The following CFAP299 variants were observed in gnomAD, a reference collection of about 807,000 sequenced individuals.
CFAP299 encodes cilia and flagella associated protein 299.
CFAP299 carries 21 observed loss-of-function variants against 27.0 expected under a neutral mutation model. That is an observed-to-expected ratio of 0.78 (90% CI 0.55 to 1.12). CFAP299 has a LOEUF of 1.12. Ranked by LOEUF, CFAP299 falls within the 50% of genes most tolerant of loss-of-function variation. CFAP299 has a pLI of 0.00. For synonymous variants in CFAP299, 104 were observed against 98.1 expected (o/e 1.06, Z -0.36); for missense variants, 310 against 276.6 (o/e 1.12, Z -0.86).
At chr4:80,387,487 G>T (rs1181955613) in intron 2 of CFAP299, 1 of 810,566 alleles carries the variant, frequency 1.2e-6, no homozygotes, top group African/African-American at 1.7e-5. Context: ...GCTATCGCTG[G>T]CTGTGGGCCA....
chr4:80,704,992 C>G (rs1426630687), intron 3 of CFAP299, among the ~76,000 whole-genome samples: 2 of 151,610 alleles, frequency 1.3e-5, no homozygotes, highest in African/African-American at 2.4e-5. Flanking sequence ...TACCCTTAGG[C>G]CTTTACTATA....
At position 80,799,928 on chromosome 4, in the gene CFAP299, T is replaced by A. The variant is rs1197921208; in HGVS notation, c.334-70065T>A. Among the ~76,000 whole-genome samples the A allele has an allele frequency of 2.6e-3, 113 of 43,576 alleles. 4 individuals are homozygous for A. Among genetic ancestry groups the A allele is most frequent in the African/African-American group, 0.012 (112 of 9,506 alleles). 28.6% of individuals were successfully genotyped at this position (43,576 alleles called of 152,430 possible). On this transcript the variant is annotated intron_variant, in intron 3 of 5. Transcript: ENST00000358105. ...ATAATATAATATATAATATATATAT[T>A]TATATATTATATTATATAAATATTA...
chr4:80,752,731 A>G (rs905464788), intron 3 of CFAP299, among the ~76,000 whole-genome samples: 7 of 151,866 alleles, frequency 4.6e-5, no homozygotes, highest in Non-Finnish European at 8.8e-5. Flanking sequence ...TTTTGTATGA[A>G]TTAAGTATTT....
At chr4:80,386,980 T>C (rs1239364230) in intron 2 of CFAP299, 1 of 1,036,290 alleles carries the variant, frequency 9.6e-7, no homozygotes, top group Non-Finnish European at 1.5e-6. Flanking sequence ...ACCTGGCCCT[T>C]GAACCTGCCC....
intron 2 of CFAP299, among the ~76,000 whole-genome samples, chr4:80,406,246 A>C (rs778393239): frequency 2.3e-4 from 35 of 152,254 alleles, no homozygotes; most frequent in Non-Finnish European, 4.0e-4. Context: ...AAAATGTCAA[A>C]GGCCTAGTTC....
At chr4:80,387,483 G>C (rs554908794) in intron 2 of CFAP299, 1 of 809,554 alleles carries the variant, frequency 1.2e-6, no homozygotes, top group East Asian at 2.4e-5. Flanking sequence ...CCTTGCTATC[G>C]CTGGCTGTGG....
intron 2 of CFAP299, among the ~76,000 whole-genome samples, chr4:80,497,475 TAAA>T (rs1014992061): frequency 6.6e-6 from 1 of 152,114 alleles, no homozygotes; most frequent in African/African-American, 2.4e-5. Context: ...AACTTTTTAT[TAAA>T]AAACTTTTTA....
chr4:80,859,678 T>C (rs544815178), intron 3 of CFAP299, among the ~76,000 whole-genome samples: 1 of 152,318 alleles, frequency 6.6e-6, no homozygotes, highest in South Asian at 2.1e-4. Context: ...AAGCTTAGTT[T>C]GGCTGGATAT....
chr4:80,896,195 ATAC>A lies in CFAP299; in HGVS notation c.476+26062_476+26064del, dbSNP rs372431307. ...AAAACATTAGCAATATTAGGTATTT[ATAC>A]TGTTTGAATTTGAATCACCTAATAT... On this transcript the variant is annotated intron_variant, in intron 4 of 5. Coordinates refer to ENST00000358105, the MANE Select transcript of CFAP299 (RefSeq NM_152770.3). 3.1e-3 allele frequency among the ~76,000 whole-genome samples: 470 copies of A among 152,222 alleles called. 2 individuals carry two copies. The highest frequency in any genetic ancestry group is 0.011 in the African/African-American group (451 of 41,570).
intron 2 of CFAP299, among the ~76,000 whole-genome samples, chr4:80,390,843 A>G (rs1725405280): frequency 1.4e-5 from 2 of 142,062 alleles, no homozygotes; most frequent in African/African-American, 5.3e-5. Flanking sequence ...ATATGTATAT[A>G]CACATATATG....
At chr4:80,542,062 C>T (rs1734019722) in intron 2 of CFAP299, among the ~76,000 whole-genome samples, 3 of 152,088 alleles carry the variant, frequency 2.0e-5, no homozygotes, top group Admixed American at 2.0e-4. Context: ...TGCTCACTCT[C>T]TCTAGTGCCT....
chr4:80,606,070 T>A (rs1737653123), intron 3 of CFAP299, among the ~76,000 whole-genome samples: 1 of 152,186 alleles, frequency 6.6e-6, no homozygotes, highest in African/African-American at 2.4e-5. Flanking sequence ...AGCTCTTAAC[T>A]ATTGTAGCTG....
rs1473540630 is a variant in CFAP299 at position 80,345,936 on chromosome 4, GT to G, written c.111+10063del. Among the ~76,000 whole-genome samples, 4 of 151,994 alleles carry G rather than the reference GT, an allele frequency of 2.6e-5. No homozygotes were observed. In the South Asian group the frequency reaches 8.3e-4, roughly 32 times the overall value. On this transcript the variant is annotated intron_variant, in intron 1 of 5. Transcript: ENST00000358105. Reference sequence around the variant, plus strand: ...TTTCTCCACATCCTCTCCAGCATCTGTTTTTTCCTGACTTTTTAATGATTGC... The same window carrying G: ...TTTCTCCACATCCTCTCCAGCATCTGTTTTTCCTGACTTTTTAATGATTGC...
chr4:80,406,922 G>C (rs141566512), intron 2 of CFAP299, among the ~76,000 whole-genome samples: 114 of 152,246 alleles, frequency 7.5e-4, no homozygotes, highest in African/African-American at 2.7e-3. Flanking sequence ...AAATCAGTCA[G>C]TTAGTGGTAG....
At chr4:80,884,202 C>G (rs1269669975) in intron 4 of CFAP299, among the ~76,000 whole-genome samples, 1 of 152,098 alleles carries the variant, frequency 6.6e-6, no homozygotes, top group Non-Finnish European at 1.5e-5. Context: ...GTCAACTTTC[C>G]AACAGCAGCA....
rs1725376813 is a variant in CFAP299 at position 80,390,764 on chromosome 4, T to TATATGTATATATGTATATATACACAC, written c.242+27892_242+27893insGTATATATACACACATATGTATATAT. On this transcript the variant is annotated intron_variant, in intron 2 of 5. Transcript: ENST00000358105. The stretch of plus-strand genomic sequence containing the variant: ...ATATGTATATATACACACATATGTA[T>TATATGTATATATGTATATATACACAC]ATATGTATATATACATATACACATA... Among the ~76,000 whole-genome samples the TATATGTATATATGTATATATACACAC allele has an allele frequency of 1.4e-5, 2 of 145,788 alleles. 1 individual carries two copies. The highest frequency in any genetic ancestry group is 4.3e-4 in the South Asian group (2 of 4,704).
At position 80,567,065 on chromosome 4, in the gene CFAP299, CT is replaced by C. The variant is rs376742681; in HGVS notation, c.243-16027del. ...TTTCATTGAAGAAAGTAAAGTCTGA[CT>C]GATGTAAGACACTGTAGATCTGAAG... On this transcript the variant is annotated intron_variant, in intron 2 of 5. Transcript: ENST00000358105. 9.9e-5 allele frequency among the ~76,000 whole-genome samples: 15 copies of C among 151,922 alleles called. No individual in the cohort carries two copies. In the East Asian group the frequency reaches 1.9e-3, roughly 20 times the overall value.
chr4:80,431,878 A>G lies in CFAP299; in HGVS notation c.242+68994A>G, dbSNP rs1482717922. ...TGAGTGTTGGGGCTGCAGCATGCCA[A>G]CATGGTCCTGGATGGCTTTCCTCTA... On this transcript the variant is annotated intron_variant, in intron 2 of 5. Coordinates refer to ENST00000358105, the MANE Select transcript of CFAP299 (RefSeq NM_152770.3). 2.0e-5 allele frequency among the ~76,000 whole-genome samples: 3 copies of G among 152,214 alleles called. No individual in the cohort carries two copies. In the East Asian group the frequency reaches 5.8e-4, roughly 29 times the overall value.
chr4:80,498,370 A>C (rs1731563853), intron 2 of CFAP299, among the ~76,000 whole-genome samples: 1 of 152,146 alleles, frequency 6.6e-6, no homozygotes, highest in African/African-American at 2.4e-5. Context: ...TAATATCCAG[A>C]ATCTATAAGG....
Sources: gnomAD v4.1 joint callset for allele counts (sites outside exome capture counted in the v4.1 genomes callset) on GRCh38, gnomAD v4.1.1 for gene constraint, MANE v1.5 for transcripts, NCBI Gene and HGNC (gene_info 2026-07-23, HGNC 2026-07-21) for gene names.